IL1RAPL2: variants seen among roughly 807,000 people sequenced by gnomAD.
The protein encoded by IL1RAPL2 is X-linked interleukin-1 receptor accessory protein-like 2.
In IL1RAPL2, 3 loss-of-function variants were observed where a neutral mutation model predicts 44.1. The observed-to-expected ratio is 0.07, with a 90% CI of 0.03 to 0.18. IL1RAPL2 has a LOEUF of 0.18. Among genes scored for constraint, IL1RAPL2 ranks in the 10% least tolerant of loss-of-function variants. IL1RAPL2 has a pLI of 1.00. For missense variants in IL1RAPL2, 391 were observed against 496.4 expected, an observed-to-expected ratio of 0.79 and a Z score of 2.02; for synonymous variants, 181 against 178.8, an observed-to-expected ratio of 1.01 and a Z score of -0.10.
At chrX:104,603,375 A>C (rs1000891282) in intron 1 of IL1RAPL2, among the ~76,000 whole-genome samples, 2 of 111,923 alleles carry the variant, frequency 1.8e-5, no homozygotes, top group South Asian at 3.8e-4. Context: ...TGAAAATTCC[A>C]AAAACCAGAA....
intron 2 of IL1RAPL2, among the ~76,000 whole-genome samples, chrX:105,150,037 C>T (rs1444927750): frequency 9.1e-6 from 1 of 110,242 alleles, no homozygotes; most frequent in African/African-American, 3.3e-5. Flanking sequence ...TTTTGTTTCC[C>T]TTTACTTCTT....
At chrX:105,201,455 T>C (rs1384825506) in intron 3 of IL1RAPL2, among the ~76,000 whole-genome samples, 3 of 112,037 alleles carry the variant, frequency 2.7e-5, no homozygotes, top group Non-Finnish European at 5.6e-5. Flanking sequence ...TACAGTAATT[T>C]TACTTGATTT....
chrX:104,681,127 T>A (rs1013066911), intron 2 of IL1RAPL2, among the ~76,000 whole-genome samples: 2 of 112,050 alleles, frequency 1.8e-5, no homozygotes, highest in Admixed American at 9.5e-5. Context: ...ATATGAAAGC[T>A]TTTAAATTGA....
At chrX:104,649,583 C>T (rs1930114082) in intron 1 of IL1RAPL2, among the ~76,000 whole-genome samples, 1 of 111,630 alleles carries the variant, frequency 9.0e-6, no homozygotes, top group Non-Finnish European at 1.9e-5. Context: ...AACTGTCTTT[C>T]TCTGTATATA....
At chrX:105,216,105 G>C (rs994671250) in intron 3 of IL1RAPL2, among the ~76,000 whole-genome samples, 3 of 111,116 alleles carry the variant, frequency 2.7e-5, no homozygotes, top group African/African-American at 9.8e-5. Context: ...GGAAGTTCTG[G>C]CCAGGGCAAT....
At chrX:105,445,666 AT>A (rs910738462) in intron 5 of IL1RAPL2, among the ~76,000 whole-genome samples, 3 of 111,480 alleles carry the variant, frequency 2.7e-5, no homozygotes, top group Non-Finnish European at 5.7e-5. Context: ...TCAGGAGAAT[AT>A]TCTTTAATTT....
chrX:105,282,505 C>G (rs2034539545), intron 5 of IL1RAPL2, among the ~76,000 whole-genome samples: 1 of 111,681 alleles, frequency 9.0e-6, no homozygotes, highest in South Asian at 3.8e-4. Flanking sequence ...TGTGATGAGT[C>G]TCATGGGCAT....
intron 2 of IL1RAPL2, among the ~76,000 whole-genome samples, chrX:105,175,992 T>A (rs1301554596): frequency 9.0e-6 from 1 of 111,121 alleles, no homozygotes; most frequent in African/African-American, 3.3e-5. Context: ...TTAAATAATA[T>A]AATAATAACG....
chrX:105,219,776 G>C (rs2033929315), intron 3 of IL1RAPL2: 24 of 1,185,118 alleles, frequency 2.0e-5, no homozygotes, highest in Non-Finnish European at 2.7e-5. Flanking sequence ...GAAGTGGGCA[G>C]GGCTGAGGTG....
At chrX:105,459,035 C>T (rs766286612) in intron 5 of IL1RAPL2, among the ~76,000 whole-genome samples, 1 of 111,797 alleles carries the variant, frequency 8.9e-6, no homozygotes, top group African/African-American at 3.2e-5. Context: ...GAAATTCAGC[C>T]ACTTTTCTTG....
At chrX:105,474,495 C>T (rs1351451460) in intron 5 of IL1RAPL2, among the ~76,000 whole-genome samples, 1 of 111,937 alleles carries the variant, frequency 8.9e-6, no homozygotes, top group Non-Finnish European at 1.9e-5. Flanking sequence ...CCATTTTATA[C>T]CTCCGTTTCT....
At chrX:105,211,954 G>C (rs782362443) in intron 3 of IL1RAPL2, among the ~76,000 whole-genome samples, 18 of 112,296 alleles carry the variant, frequency 1.6e-4, no homozygotes, top group Non-Finnish European at 2.3e-4. Flanking sequence ...TTTTCCCACA[G>C]TTTTTGTAAT....
At chrX:104,659,252 T>A (rs1189462558) in intron 2 of IL1RAPL2, among the ~76,000 whole-genome samples, 1 of 111,541 alleles carries the variant, frequency 9.0e-6, no homozygotes, top group East Asian at 2.8e-4. Context: ...CTACTTAGAG[T>A]TGGTTACATT....
At chrX:105,188,384 G>A (rs1223422409) in intron 2 of IL1RAPL2, among the ~76,000 whole-genome samples, 1 of 111,463 alleles carries the variant, frequency 9.0e-6, no homozygotes, top group African/African-American at 3.3e-5. Context: ...GCATCTGATT[G>A]TCTTGGCTAG....
intron 7 of IL1RAPL2, among the ~76,000 whole-genome samples, chrX:105,727,364 A>ATGTT (rs1255221440): frequency 8.9e-6 from 1 of 111,887 alleles, no homozygotes; most frequent in Non-Finnish European, 1.9e-5. Flanking sequence ...TCTTATCTGA[A>ATGTT]TGTTATGTTA....
chrX:105,224,814 G>T (rs1267255760), intron 3 of IL1RAPL2, among the ~76,000 whole-genome samples: 2 of 111,579 alleles, frequency 1.8e-5, no homozygotes, highest in African/African-American at 6.5e-5. Context: ...AGTGAAATTG[G>T]TTGGGGAAGG....
At chrX:105,247,589 G>GTATATATA (rs748826139) in intron 4 of IL1RAPL2, among the ~76,000 whole-genome samples, 175 of 95,047 alleles carry the variant, frequency 1.8e-3, no homozygotes, top group African/African-American at 8.4e-3. Flanking sequence ...AGAAGTGTGT[G>GTATATATA]TGTATATATA....
chrX:105,031,364 G>T (rs1030515201), intron 2 of IL1RAPL2, among the ~76,000 whole-genome samples: 2 of 110,023 alleles, frequency 1.8e-5, no homozygotes, highest in African/African-American at 3.3e-5. Context: ...CATTCAGTAT[G>T]ATATTGGCTG....
At chrX:104,924,452 A>G (rs1441909783) in intron 2 of IL1RAPL2, among the ~76,000 whole-genome samples, 1 of 112,149 alleles carries the variant, frequency 8.9e-6, no homozygotes, top group Non-Finnish European at 1.9e-5. Context: ...ATGCTTGGCC[A>G]TAAAGTAAGT....
Sources: allele counts gnomAD v4.1 joint callset (sites outside exome capture counted in the v4.1 genomes callset), GRCh38; gene constraint gnomAD v4.1.1; transcripts MANE v1.5; gene names NCBI Gene and HGNC (gene_info 2026-07-23, HGNC 2026-07-21).